Variants in AKT2 observed in about 807,000 individuals in gnomAD.
AKT2 encodes the protein AKT serine/threonine kinase 2.
Under a neutral mutation model 58.6 loss-of-function variants are expected in AKT2, and 16 were observed. The observed-to-expected ratio is 0.27, with a 90% CI of 0.18 to 0.41. AKT2 has a LOEUF of 0.41. Among genes scored for constraint, AKT2 ranks in the 10% least tolerant of loss-of-function variants. The probability of loss-of-function intolerance (pLI) is 1.00; values close to 1 mark genes in which losing one functional copy is unlikely to be tolerated. For synonymous variants in AKT2, 253 were observed against 254.0 expected (o/e 1.00, Z 0.04); for missense variants, 438 against 661.0 (o/e 0.66, Z 3.70).
rs186600404 is a variant in AKT2 at position 40,238,172 on chromosome 19, C to T, written c.709-81G>A. The T allele has an allele frequency of 2.9e-4, 441 of 1,526,826 alleles. No individual in the cohort carries two copies. Among genetic ancestry groups the T allele is most frequent in the Non-Finnish European group, 3.4e-4 (386 of 1,131,566 alleles). 94.6% of individuals were successfully genotyped at this position (1,526,826 alleles called of 1,614,324 possible). A position where few individuals can be genotyped will look rare whatever the true frequency, so the allele number is the denominator to read the frequency against. ...TCACCTTCCCAGCCCCCTGCCCCAGCGCAGTGATGTGGTGACACCTGTATC... is the reference window on the plus strand; with the variant it reads ...TCACCTTCCCAGCCCCCTGCCCCAGTGCAGTGATGTGGTGACACCTGTATC... On this transcript the variant is annotated intron_variant, in intron 8 of 13. Transcript: ENST00000392038. The surrounding 1 kb of genome is among the most constrained non-coding windows in gnomAD (Gnocchi z 5.1).
At chr19:40,275,324 C>T (rs753901125) in intron 1 of AKT2, 12 of 456,426 alleles carry the variant, frequency 2.6e-5, no homozygotes, top group South Asian at 1.1e-4. Flanking sequence ...CCCTGACCCA[C>T]GTCGCTCTGC....
chr19:40,273,815 C>G (rs891137264), intron 1 of AKT2, among the ~76,000 whole-genome samples: 2 of 152,142 alleles, frequency 1.3e-5, no homozygotes, highest in African/African-American at 4.8e-5. Flanking sequence ...CTGCAACCAG[C>G]GGGATCCTCC....
Position 40,242,362 on chromosome 19 carries a change from G to T in AKT2, c.441+172C>A. ...CCCAAGGTTGCTCCCTCCCCTACGG[G>T]CATGGAGCACACCCTAGGGCACCTG... On this transcript the variant is annotated intron_variant, in intron 5 of 13. Coordinates refer to ENST00000392038, the MANE Select transcript of AKT2 (RefSeq NM_001626.6). The surrounding 1 kb of genome is among the most constrained non-coding windows in gnomAD (Gnocchi z 4.3). 9.1e-7 allele frequency: 1 copy of T among 1,100,540 alleles called. No individual in the cohort carries two copies. Among genetic ancestry groups the T allele is most frequent in the Non-Finnish European group, 1.4e-6 (1 of 739,496 alleles). 68.2% of individuals were successfully genotyped at this position (1,100,540 alleles called of 1,614,324 possible).
rs181101947 is a variant in AKT2, at chr19:40,246,219, T to G, written c.288-3532A>C. Among the ~76,000 whole-genome samples the G allele has an allele frequency of 3.3e-3, 502 of 152,198 alleles. 4 individuals are homozygous for G. The highest frequency in any genetic ancestry group is 0.011 in the African/African-American group (469 of 41,540). On this transcript the variant is annotated intron_variant, in intron 4 of 13. Coordinates refer to ENST00000392038, the MANE Select transcript of AKT2 (RefSeq NM_001626.6). ...GCTTTGCTGCCAGGCTGGAGTGCAG[T>G]GGCTCCCAGGTTTAAGCGATTCTCC...
rs3730055 is a variant in AKT2 at position 40,235,787 on chromosome 19, C to A, written c.1175+103G>T. ...GGGGCTGTGTGGGGACGACACACTG[C>A]GACCCTACAAGCGAGCACCCTTGTG... On this transcript the variant is annotated intron_variant, in intron 11 of 13. Coordinates refer to ENST00000392038, the MANE Select transcript of AKT2 (RefSeq NM_001626.6). The surrounding 1 kb of genome is among the most constrained non-coding windows in gnomAD (Gnocchi z 6.3). The A allele has an allele frequency of 5.7e-6, 7 of 1,226,248 alleles. No individual in the cohort carries two copies. The highest frequency in any genetic ancestry group is 6.7e-6 in the Non-Finnish European group (6 of 892,650). 76.0% of individuals were successfully genotyped at this position (1,226,248 alleles called of 1,614,324 possible). A position where few individuals can be genotyped will look rare whatever the true frequency, so the allele number is the denominator to read the frequency against.
At chr19:40,268,610 G>T (rs1283468964) in intron 1 of AKT2, 1 of 152,510 alleles carries the variant, frequency 6.6e-6, no homozygotes, top group African/African-American at 2.4e-5. Flanking sequence ...GAGAAGCAGC[G>T]GAGGCCCTGG....
Position 40,233,958 on chromosome 19 carries a change from G to T in AKT2, c.1367-7C>A. Reference sequence around the variant, plus strand: ...AGTAAGCCCAGGCTGTCATCTGTGGGCGGCAGAGGTGGATGGGGAGGACCA... The same window carrying T: ...AGTAAGCCCAGGCTGTCATCTGTGGTCGGCAGAGGTGGATGGGGAGGACCA... On this transcript the variant is annotated splice_region_variant and splice_polypyrimidine_tract_variant and intron_variant, in intron 13 of 13. Coordinates refer to ENST00000392038, the MANE Select transcript of AKT2 (RefSeq NM_001626.6). The surrounding 1 kb of genome is among the most constrained non-coding windows in gnomAD (Gnocchi z 4.3). 1 of 1,609,978 alleles carries T rather than the reference G, an allele frequency of 6.2e-7. No homozygotes were observed.
At position 40,234,854 on chromosome 19, in the gene AKT2, C is replaced by A. The variant is rs1416772257; in HGVS notation, c.1366+191G>T. On this transcript the variant is annotated intron_variant, in intron 13 of 13. Coordinates refer to ENST00000392038, the MANE Select transcript of AKT2 (RefSeq NM_001626.6). The surrounding 1 kb of genome is among the most constrained non-coding windows in gnomAD (Gnocchi z 4.7). ...ACTGAGCTCCAGAACGTGCTGCAGT[C>A]AATGGCTCCTGGTGGCCTCACCAGG... is the stretch of plus-strand genomic sequence containing the variant. The A allele has an allele frequency of 1.0e-5, 7 of 682,184 alleles. No homozygotes were observed. The highest frequency in any genetic ancestry group is 1.9e-5 in the Non-Finnish European group (7 of 376,022). 42.3% of individuals were successfully genotyped at this position (682,184 alleles called of 1,614,324 possible). A position where few individuals can be genotyped will look rare whatever the true frequency, so the allele number is the denominator to read the frequency against.
intron 9 of AKT2, chr19:40,236,636 C>G (rs1447736541): frequency 1.8e-6 from 1 of 552,444 alleles, no homozygotes; most frequent in Admixed American, 3.1e-5. Context: ...GCCCTGTCCA[C>G]CCACCGTCCC....
intron 4 of AKT2, among the ~76,000 whole-genome samples, chr19:40,251,914 G>A (rs1458408188): frequency 6.6e-6 from 1 of 152,222 alleles, no homozygotes; most frequent in Non-Finnish European, 1.5e-5. Context: ...CAGACACGGT[G>A]AATGCGGGAC....
At chr19:40,259,668 T>G (rs1450507550) in intron 2 of AKT2, among the ~76,000 whole-genome samples, 1 of 152,180 alleles carries the variant, frequency 6.6e-6, no homozygotes, top group Non-Finnish European at 1.5e-5. Flanking sequence ...TGGAAATACT[T>G]GGAAATCTAA....
rs368896240 is a variant in AKT2 at position 40,237,930 on chromosome 19, C to T, written c.831+39G>A. 6.2e-7 allele frequency: 1 copy of T among 1,609,750 alleles called. No homozygotes were observed. The highest frequency in any genetic ancestry group is 8.5e-7 in the Non-Finnish European group (1 of 1,178,674). On this transcript the variant is annotated intron_variant, in intron 9 of 13. Transcript: ENST00000392038. The surrounding 1 kb of genome is among the most constrained non-coding windows in gnomAD (Gnocchi z 4.5). ...CCCAGTGTGAGTCCCATGTGGTGTG[C>T]ATGCCACAGGTCAGCCTGGCGCACA...
chr19:40,260,628 C>CAAAAAAAAAAAA (rs34124347), intron 2 of AKT2, among the ~76,000 whole-genome samples: 2 of 25,006 alleles, frequency 8.0e-5, no homozygotes, highest in Non-Finnish European at 6.2e-5. Context: ...GATTCCATCT[C>CAAAAAAAAAAAA]AAAAAAAAAA....
intron 4 of AKT2, among the ~76,000 whole-genome samples, chr19:40,251,157 T>C (rs776167547): frequency 1.3e-5 from 2 of 151,968 alleles, no homozygotes; most frequent in Non-Finnish European, 2.9e-5. Flanking sequence ...TGAGCTATGA[T>C]TGCACCGCTG....
intron 4 of AKT2, among the ~76,000 whole-genome samples, chr19:40,249,807 T>A (rs972652753): frequency 2.6e-5 from 4 of 152,248 alleles, no homozygotes; most frequent in African/African-American, 9.6e-5. Context: ...GCCAGATACA[T>A]ACATAAATAT....
intron 1 of AKT2, among the ~76,000 whole-genome samples, chr19:40,283,568 A>G (rs918990459): frequency 1.3e-5 from 2 of 152,168 alleles, no homozygotes; most frequent in Non-Finnish European, 2.9e-5. Flanking sequence ...TGCTGGGTCA[A>G]TCAGGGACTG....
rs1390610459 is a variant in AKT2, at chr19:40,274,844, G to A, written c.-84-9493C>T. 1.4e-5 allele frequency: 5 copies of A among 351,388 alleles called. No individual in the cohort carries two copies. The Admixed American group carries it at 1.5e-4, about 11-fold the overall frequency. 21.8% of individuals were successfully genotyped at this position (351,388 alleles called of 1,614,324 possible). A position where few individuals can be genotyped will look rare whatever the true frequency, so the allele number is the denominator to read the frequency against. Reference sequence around the variant, plus strand: ...GGCCTTGGGGGCCACTGTCAGCATTGTGGCTCTTATTTGGAGTGAGAGGGG... The same window carrying A: ...GGCCTTGGGGGCCACTGTCAGCATTATGGCTCTTATTTGGAGTGAGAGGGG... On this transcript the variant is annotated intron_variant, in intron 1 of 13. Transcript: ENST00000392038.
At position 40,260,644 on chromosome 19, in the gene AKT2, A is replaced by T. The variant is rs867894614; in HGVS notation, c.47-3590T>A. Among the ~76,000 whole-genome samples, 391 of 150,554 alleles carry T rather than the reference A, an allele frequency of 2.6e-3. 2 individuals are homozygous for T. The highest frequency in any genetic ancestry group is 4.3e-3 in the Non-Finnish European group (292 of 67,540). Reference sequence around the variant, plus strand: ...ATTCCATCTCAAAAAAAAAAAAAAAAAAAAAAAAAAAAAGAATATATCATC... The same window carrying T: ...ATTCCATCTCAAAAAAAAAAAAAAATAAAAAAAAAAAAAGAATATATCATC... On this transcript the variant is annotated intron_variant, in intron 2 of 13. Coordinates refer to ENST00000392038, the MANE Select transcript of AKT2 (RefSeq NM_001626.6).
At chr19:40,283,859 G>A (rs755711264) in intron 1 of AKT2, among the ~76,000 whole-genome samples, 7 of 152,206 alleles carry the variant, frequency 4.6e-5, no homozygotes, top group Non-Finnish European at 1.0e-4. Flanking sequence ...AACAGCTCCC[G>A]GCCTCACTGC....
Sources: allele counts gnomAD v4.1 joint callset (sites outside exome capture counted in the v4.1 genomes callset), GRCh38; gene constraint gnomAD v4.1.1; non-coding constraint Gnocchi (gnomAD v3.1); transcripts MANE v1.5; gene names NCBI Gene and HGNC (gene_info 2026-07-23, HGNC 2026-07-21).